COX10: variants seen among roughly 807,000 people sequenced by gnomAD.
COX10 encodes cytochrome c oxidase assembly factor heme A:farnesyltransferase COX10.
A neutral mutation model predicts 37.3 loss-of-function variants in COX10; 27 were observed. The ratio of observed to expected loss-of-function variants is 0.72; its 90% CI spans 0.53 to 1.00. The LOEUF is 1.00. Among genes scored for constraint, COX10 ranks in the 50% least tolerant of loss-of-function variants. The probability of loss-of-function intolerance (pLI) is 0.00; values close to 1 mark genes in which losing one functional copy is unlikely to be tolerated. For missense variants in COX10, 475 were observed against 563.2 expected (o/e 0.84, Z 1.59); for synonymous variants, 222 against 229.1 (o/e 0.97, Z 0.28).
At chr17:14,145,450 G>A (rs8073382) in intron 4 of COX10, among the ~76,000 whole-genome samples, 57,993 of 151,928 alleles carry the variant, frequency 0.38, 11,231 homozygotes, top group African/African-American at 0.43. Context: ...TCAATGCTGT[G>A]ATGGGTCTTG....
At chr17:14,131,031 C>T (rs193169654) in intron 4 of COX10, among the ~76,000 whole-genome samples, 1 of 152,238 alleles carries the variant, frequency 6.6e-6, no homozygotes, top group East Asian at 1.9e-4. Flanking sequence ...AGCAGCATGT[C>T]ATAGTGGCTT....
chr17:14,124,573 A>G (rs1246054443), intron 4 of COX10, among the ~76,000 whole-genome samples: 1 of 152,122 alleles, frequency 6.6e-6, no homozygotes, highest in African/African-American at 2.4e-5. Context: ...TAATTTGTTA[A>G]TGGGCTTCTT....
intron 4 of COX10, among the ~76,000 whole-genome samples, chr17:14,108,493 A>G (rs1219088032): frequency 6.6e-6 from 1 of 152,168 alleles, no homozygotes; most frequent in Non-Finnish European, 1.5e-5. Flanking sequence ...ACCAGGTTAT[A>G]ATTAGAAAGG....
chr17:14,118,159 C>T (rs553373838), intron 4 of COX10, among the ~76,000 whole-genome samples: 11 of 152,112 alleles, frequency 7.2e-5, no homozygotes, highest in Non-Finnish European at 2.9e-5. Flanking sequence ...TTTATGGGCA[C>T]AGGATAGGTG....
intron 4 of COX10, among the ~76,000 whole-genome samples, chr17:14,122,501 A>C (rs1208569081): frequency 2.0e-5 from 3 of 152,108 alleles, no homozygotes; most frequent in African/African-American, 7.2e-5. Flanking sequence ...ATTTAATACA[A>C]TCATATATGA....
intron 5 of COX10, among the ~76,000 whole-genome samples, chr17:14,182,671 G>A (rs1033814350): frequency 2.0e-5 from 3 of 152,074 alleles, no homozygotes; most frequent in Non-Finnish European, 4.4e-5. Flanking sequence ...TTAAGGTTTT[G>A]CATTTTCTTT....
At chr17:14,195,370 T>C (rs1906337880) in intron 6 of COX10, among the ~76,000 whole-genome samples, 1 of 152,204 alleles carries the variant, frequency 6.6e-6, no homozygotes, top group African/African-American at 2.4e-5. Flanking sequence ...CTGTACTGTC[T>C]TGTGTGGTAG....
chr17:14,069,616 C>G lies in COX10; in HGVS notation c.11C>G (p.Ser4Cys), dbSNP rs767446394. MAASPHTLSSRLLT... is the reference protein window; with the variant it reads MAACPHTLSSRLLT... ...CCAGACTCGTAAATTATGGCCGCATCTCCGCACACTCTCTCCTCACGCCTC... is the reference window on the plus strand; with the variant it reads ...CCAGACTCGTAAATTATGGCCGCATGTCCGCACACTCTCTCCTCACGCCTC... Residue 4 changes from serine (S) to cysteine (C), a missense_variant, in exon 1 of 7, where the codon TCT (serine) becomes TGT (cysteine). Ser to Cys is a moderately radical substitution (Grantham distance 112). Around this residue, in one of 5 missense-constraint regions of COX10, gnomAD observed 242 missense variants for 242.5 expected, o/e 1.00. Coordinates refer to ENST00000261643, the MANE Select transcript of COX10 (RefSeq NM_001303.4). 1.2e-6 allele frequency: 2 copies of G among 1,613,998 alleles called. No homozygotes were observed. The highest frequency in any genetic ancestry group is 2.2e-5 in the South Asian group (2 of 91,076).
intron 5 of COX10, among the ~76,000 whole-genome samples, chr17:14,167,897 C>G (rs1905337188): frequency 2.0e-5 from 3 of 152,312 alleles, no homozygotes; most frequent in Admixed American, 2.0e-4. Context: ...CCTGGCTCCT[C>G]CCAAATCTCA....
chr17:14,072,136 G>T (rs1477261357), intron 1 of COX10, among the ~76,000 whole-genome samples: 1 of 152,130 alleles, frequency 6.6e-6, no homozygotes, highest in Non-Finnish European at 1.5e-5. Flanking sequence ...AATGTGACAT[G>T]TTTCAACGAA....
intron 3 of COX10, among the ~76,000 whole-genome samples, chr17:14,090,451 T>A (rs1915501732): frequency 6.6e-6 from 1 of 152,124 alleles, no homozygotes; most frequent in Non-Finnish European, 1.5e-5. Context: ...CTTTAAAAAA[T>A]ATATTAAATA....
chr17:14,175,379 C>T (rs1196639742), intron 5 of COX10, among the ~76,000 whole-genome samples: 1 of 151,980 alleles, frequency 6.6e-6, no homozygotes, highest in Non-Finnish European at 1.5e-5. Context: ...CCTAGCTCCT[C>T]TGCCTGCTTC....
chr17:14,191,964 T>G, intron 5 of COX10, 25 bp from the exon 6 acceptor site: 3 of 1,612,120 alleles, frequency 1.9e-6, no homozygotes, highest in Non-Finnish European at 1.7e-6. Context: ...AGATGATCAC[T>G]CCAGGTTCTC....
At chr17:14,206,788 T>A in intron 6 of COX10, 22 bp from the exon 7 acceptor site, 8 of 1,613,014 alleles carry the variant, frequency 5.0e-6, no homozygotes, top group Non-Finnish European at 5.9e-6. Context: ...TGTCTCCCTC[T>A]CCTTCCCTGA....
At position 14,206,842 on chromosome 17, in the gene COX10, TG is replaced by T; in HGVS notation, c.963del (p.Trp321CysfsTer9). The T allele has an allele frequency of 6.2e-7, 1 of 1,614,160 alleles. No individual in the cohort carries two copies. Among genetic ancestry groups the T allele is most frequent in the South Asian group, 1.1e-5 (1 of 91,092 alleles). On this transcript the variant is annotated frameshift_variant, in exon 7 of 7. Coordinates refer to ENST00000261643, the MANE Select transcript of COX10 (RefSeq NM_001303.4). LOFTEE classifies it high-confidence loss of function. ...AFLLGGILYSWQFPHFNALSW... is the reference protein window; with the variant it reads ...AFLLGGILYSXQFPHFNALSW... Reference sequence around the variant, plus strand: ...TCTCCTGGGAGGAATCCTCTACTCCTGGCAGTTTCCTCATTTCAACGCCCTG... The same window carrying T: ...TCTCCTGGGAGGAATCCTCTACTCCTGCAGTTTCCTCATTTCAACGCCCTG...
chr17:14,142,833 A>G (rs779488954), intron 4 of COX10, among the ~76,000 whole-genome samples: 1 of 152,172 alleles, frequency 6.6e-6, no homozygotes, highest in African/African-American at 2.4e-5. Context: ...TTACTCTTTC[A>G]GGACATGGTG....
At chr17:14,154,944 C>T (rs1443608387) in intron 4 of COX10, among the ~76,000 whole-genome samples, 1 of 152,118 alleles carries the variant, frequency 6.6e-6, no homozygotes, top group Admixed American at 6.5e-5. Context: ...AGCGTTAGGG[C>T]TAGATTAGTG....
intron 4 of COX10, among the ~76,000 whole-genome samples, chr17:14,104,095 T>C (rs1915841257): frequency 6.6e-6 from 1 of 152,116 alleles, no homozygotes. Context: ...GTGTCCTGAG[T>C]GACGTGAGTT....
At chr17:14,128,398 TA>T (rs1916391320) in intron 4 of COX10, among the ~76,000 whole-genome samples, 1 of 152,154 alleles carries the variant, frequency 6.6e-6, no homozygotes, top group Non-Finnish European at 1.5e-5. Flanking sequence ...TAAAAAATAC[TA>T]AATATCAGAT....
Sources: gnomAD v4.1 joint callset for allele counts (sites outside exome capture counted in the v4.1 genomes callset) on GRCh38, gnomAD v4.1.1 for gene constraint, gnomAD v4.1.1 regional missense constraint, MANE v1.5 for transcripts, NCBI Gene and HGNC (gene_info 2026-07-23, HGNC 2026-07-21) for gene names.